The following CNTNAP5 variants were observed in gnomAD, a reference collection of about 807,000 sequenced individuals.
The protein encoded by CNTNAP5 is contactin associated protein family member 5.
A neutral mutation model predicts 150.2 loss-of-function variants in CNTNAP5; 72 were observed. That is an observed-to-expected ratio of 0.48 (90% CI 0.40 to 0.58). CNTNAP5 has a LOEUF of 0.58. CNTNAP5 is among the 20% of genes least tolerant of loss of function. The probability of loss-of-function intolerance (pLI) is 0.00; values close to 1 mark genes in which losing one functional copy is unlikely to be tolerated. For missense variants in CNTNAP5, 1,636 were observed against 1,626.2 expected (o/e 1.01, Z -0.10); for synonymous variants, 672 against 619.8 (o/e 1.08, Z -1.25).
At chr2:124,151,504 T>C (rs1037469407) in intron 1 of CNTNAP5, among the ~76,000 whole-genome samples, 1 of 152,228 alleles carries the variant, frequency 6.6e-6, no homozygotes, top group Admixed American at 6.5e-5. Flanking sequence ...TTTTAGACAT[T>C]GTGTTACCGA....
At chr2:124,033,917 G>GAA (rs111870986) in intron 1 of CNTNAP5, among the ~76,000 whole-genome samples, 4 of 142,104 alleles carry the variant, frequency 2.8e-5, no homozygotes, top group African/African-American at 5.1e-5. Context: ...ACCTTTTCCA[G>GAA]AAAAAAAAAA....
intron 13 of CNTNAP5, among the ~76,000 whole-genome samples, chr2:124,667,087 G>A (rs917154477): frequency 6.6e-6 from 1 of 152,204 alleles, no homozygotes; most frequent in Non-Finnish European, 1.5e-5. Context: ...TATTATAAAG[G>A]ACTTTAAACA....
intron 3 of CNTNAP5, among the ~76,000 whole-genome samples, chr2:124,362,087 C>T (rs1245649118): frequency 6.6e-6 from 1 of 152,232 alleles, no homozygotes. Flanking sequence ...TGCTGTCCGT[C>T]ACCCCTTTCT....
intron 1 of CNTNAP5, among the ~76,000 whole-genome samples, chr2:124,087,150 C>G (rs114143776): frequency 6.6e-6 from 1 of 151,748 alleles, no homozygotes; most frequent in Non-Finnish European, 1.5e-5. Flanking sequence ...TCTGCATACA[C>G]TTAGACTTAG....
At position 124,099,147 on chromosome 2, in the gene CNTNAP5, C is replaced by T. The variant is rs147586876; in HGVS notation, c.82+73415C>T. Reference sequence around the variant, plus strand: ...TCCAGTGATATTGATGGGTTCATTGCTCCTCTGCACCCTTCAATTTCAGGG... The same window carrying T: ...TCCAGTGATATTGATGGGTTCATTGTTCCTCTGCACCCTTCAATTTCAGGG... On this transcript the variant is annotated intron_variant, in intron 1 of 23. Transcript: ENST00000682447. Among the ~76,000 whole-genome samples, 5 of 152,256 alleles carry T rather than the reference C, an allele frequency of 3.3e-5. No homozygotes were observed. The East Asian group carries it at 9.7e-4, about 30-fold the overall frequency.
intron 3 of CNTNAP5, among the ~76,000 whole-genome samples, chr2:124,400,775 C>T (rs1691401919): frequency 6.8e-6 from 1 of 146,156 alleles, no homozygotes; most frequent in South Asian, 2.1e-4. Flanking sequence ...TATGTTGGAG[C>T]TGCCATACAT....
In CNTNAP5 at chr2:124,621,232, ATTGT is replaced by A. The variant is rs34405534; in HGVS notation, c.1876+11317_1876+11320del. ...GTACAATTGTACATTGATATGCAAA[ATTGT>A]TTGTCTAGAATCACTAGCAAAAACA... On this transcript the variant is annotated intron_variant, in intron 12 of 23. Coordinates refer to ENST00000682447, the MANE Select transcript of CNTNAP5 (RefSeq NM_001367498.1). Among the ~76,000 whole-genome samples, 695 of 152,270 alleles carry A rather than the reference ATTGT, an allele frequency of 4.6e-3. 25 individuals carry two copies. Among genetic ancestry groups the A allele is most frequent in the Admixed American group, 0.042 (643 of 15,288 alleles).
intron 16 of CNTNAP5, among the ~76,000 whole-genome samples, chr2:124,769,138 C>T (rs1486633965): frequency 6.6e-6 from 1 of 151,932 alleles, no homozygotes; most frequent in African/African-American, 2.4e-5. Flanking sequence ...GGACTGAGTG[C>T]TGGGAGAAGT....
intron 3 of CNTNAP5, among the ~76,000 whole-genome samples, chr2:124,298,544 T>C (rs1688496356): frequency 6.6e-6 from 1 of 152,208 alleles, no homozygotes; most frequent in South Asian, 2.1e-4. Flanking sequence ...CCTGAAGACC[T>C]TCCTCTGGAG....
At position 124,474,760 on chromosome 2, in the gene CNTNAP5, G is replaced by T. The variant is rs572592898; in HGVS notation, c.940G>T (p.Val314Leu). 54 of 1,586,070 alleles carry T rather than the reference G, an allele frequency of 3.4e-5. 1 individual carries two copies. The South Asian group carries it at 6.0e-4, about 18-fold the overall frequency. Reference sequence around the variant, plus strand: ...AAAGCTTAGTTTTGGAGGAATTCCAGTACCAGGAAAACCTGGGACCTTTTT... The same window carrying T: ...AAAGCTTAGTTTTGGAGGAATTCCATTACCAGGAAAACCTGGGACCTTTTT... ...DYELSFGGIPVPGKPGTFLKK... is the reference protein window; with the variant it reads ...DYELSFGGIPLPGKPGTFLKK... Residue 314 changes from valine (V) to leucine (L), a missense_variant, in exon 7 of 24, where the codon GTA becomes TTA. By Grantham distance (32) the Val-to-Leu change is conservative (BLOSUM62 1). Coordinates refer to ENST00000682447, the MANE Select transcript of CNTNAP5 (RefSeq NM_001367498.1).
At chr2:124,221,631 C>T in intron 1 of CNTNAP5, 74 bp from the exon 2 acceptor site, 3 of 991,414 alleles carry the variant, frequency 3.0e-6, no homozygotes, top group Non-Finnish European at 4.7e-6. Context: ...GTTAATTTCT[C>T]AACTTCTCTT....
chr2:124,920,330 A>G lies in CNTNAP5; in HGVS notation c.*6042A>G, dbSNP rs1297643757. ...GACTCTTTGAAAGGCTTTCTCTTTCAAGAAACCTTGAAGGGAAAATATTAA... is the reference window on the plus strand; with the variant it reads ...GACTCTTTGAAAGGCTTTCTCTTTCGAGAAACCTTGAAGGGAAAATATTAA... On this transcript the variant is annotated 3_prime_UTR_variant, in exon 24 of 24. Coordinates refer to ENST00000682447, the MANE Select transcript of CNTNAP5 (RefSeq NM_001367498.1). Among the ~76,000 whole-genome samples the G allele has an allele frequency of 6.6e-6, 1 of 152,100 alleles. No homozygotes were observed. The highest frequency in any genetic ancestry group is 1.5e-5 in the Non-Finnish European group (1 of 68,020).
chr2:124,516,915 G>A (rs142189550), intron 8 of CNTNAP5, among the ~76,000 whole-genome samples: 2 of 152,248 alleles, frequency 1.3e-5, no homozygotes, highest in African/African-American at 4.8e-5. Flanking sequence ...GTGTGTCAAG[G>A]CTCTGCAACC....
intron 3 of CNTNAP5, among the ~76,000 whole-genome samples, chr2:124,393,624 G>A (rs781358721): frequency 1.3e-5 from 2 of 152,186 alleles, no homozygotes; most frequent in Non-Finnish European, 2.9e-5. Flanking sequence ...TTCGTTGTAT[G>A]GATTCACTCA....
chr2:124,256,571 C>G (rs1286101574), intron 3 of CNTNAP5, among the ~76,000 whole-genome samples: 1 of 151,950 alleles, frequency 6.6e-6, no homozygotes, highest in Non-Finnish European at 1.5e-5. Flanking sequence ...GCAGCTGGCT[C>G]GTGAAAATAA....
intron 3 of CNTNAP5, among the ~76,000 whole-genome samples, chr2:124,360,279 CT>C (rs1274079609): frequency 6.6e-6 from 1 of 151,130 alleles, no homozygotes; most frequent in African/African-American, 2.4e-5. Flanking sequence ...CAGTCTGTGT[CT>C]TTTAATTGGA....
intron 1 of CNTNAP5, among the ~76,000 whole-genome samples, chr2:124,208,111 T>C (rs1212680650): frequency 6.6e-6 from 1 of 152,142 alleles, no homozygotes; most frequent in Non-Finnish European, 1.5e-5. Context: ...GCCTGAAATG[T>C]CTCAAAAAAT....
At chr2:124,238,861 G>A (rs934702454) in intron 2 of CNTNAP5, among the ~76,000 whole-genome samples, 29 of 152,152 alleles carry the variant, frequency 1.9e-4, no homozygotes, top group African/African-American at 6.8e-4. Flanking sequence ...TTATTGTTTG[G>A]TGGAAAGAAT....
At chr2:124,692,544 G>C (rs1033534554) in intron 13 of CNTNAP5, among the ~76,000 whole-genome samples, 1 of 152,120 alleles carries the variant, frequency 6.6e-6, no homozygotes, top group Non-Finnish European at 1.5e-5. Flanking sequence ...TATCCATGGA[G>C]GTTGGAAGGG....
Sources: allele counts gnomAD v4.1 joint callset (sites outside exome capture counted in the v4.1 genomes callset), GRCh38; gene constraint gnomAD v4.1.1; transcripts MANE v1.5; gene names NCBI Gene and HGNC (gene_info 2026-07-23, HGNC 2026-07-21).